Variants in TMEM35A observed in about 807,000 individuals in gnomAD.
The protein encoded by TMEM35A is transmembrane protein 35A, also known as nicotinic acetylcholine receptor chaperone.
For missense variants in TMEM35A, 83 were observed against 132.7 expected (o/e 0.63, Z 1.84); for synonymous variants, 50 against 54.7 (o/e 0.91, Z 0.38).
intron 1 of TMEM35A, among the ~76,000 whole-genome samples, chrX:101,083,910 T>C (rs1251616782): frequency 9.0e-6 from 1 of 110,984 alleles, no homozygotes; most frequent in East Asian, 2.8e-4. Context: ...CCACTTTGAC[T>C]GGTACGATCA....
At chrX:101,081,460 G>A (rs1027691041) in intron 1 of TMEM35A, 3 of 112,218 alleles carry the variant, frequency 2.7e-5, no homozygotes, top group African/African-American at 9.7e-5. Flanking sequence ...GAATGAATGA[G>A]TCATTGTAGC....
intron 1 of TMEM35A, among the ~76,000 whole-genome samples, chrX:101,092,911 C>G (rs1417540395): frequency 9.0e-6 from 1 of 111,298 alleles, no homozygotes; most frequent in Admixed American, 9.5e-5. Flanking sequence ...AGGAATGAAG[C>G]TAGCCAAAGT....
At chrX:101,091,844 T>C (rs771987747) in intron 1 of TMEM35A, among the ~76,000 whole-genome samples, 1 of 111,559 alleles carries the variant, frequency 9.0e-6, no homozygotes, top group Non-Finnish European at 1.9e-5. Flanking sequence ...ATTTCCTTTT[T>C]TATCTTGCAA....
At position 101,094,705 on chromosome X, in the gene TMEM35A, C is replaced by T. The variant is rs1042244189; in HGVS notation, c.253C>T (p.Arg85Cys). The change falls in exon 2 of 2, where the codon CGT (arginine) becomes TGT (cysteine). Residue 85 changes from arginine to cysteine, a missense_variant. Arg to Cys is a radical substitution (Grantham distance 180, BLOSUM62 -3). Transcript: ENST00000372930. ...CATCGTCATGACCCTTGTGCCTGGGCGTCCCAAAGATGTGGCCAACTTCTT... is the reference window on the plus strand; with the variant it reads ...CATCGTCATGACCCTTGTGCCTGGGTGTCCCAAAGATGTGGCCAACTTCTT... ...CGIVMTLVPG[R>C]PKDVANFFLL... The T allele has an allele frequency of 1.7e-6, 2 of 1,211,426 alleles. No homozygotes were observed. The highest frequency in any genetic ancestry group is 2.2e-6 in the Non-Finnish European group (2 of 895,499).
intron 1 of TMEM35A, among the ~76,000 whole-genome samples, chrX:101,089,188 G>A: frequency 9.0e-6 from 1 of 110,871 alleles, no homozygotes; most frequent in East Asian, 2.8e-4. Flanking sequence ...AAGATGGGAA[G>A]AGAGAGGAAG....
intron 1 of TMEM35A, among the ~76,000 whole-genome samples, chrX:101,090,218 T>C (rs1223952204): frequency 1.9e-5 from 2 of 107,265 alleles, no homozygotes; most frequent in African/African-American, 3.6e-5. Flanking sequence ...GCTGGTGCCA[T>C]CTTGACTCAC....
chrX:101,079,763 G>C (rs1025847882), intron 1 of TMEM35A, among the ~76,000 whole-genome samples: 2 of 111,550 alleles, frequency 1.8e-5, no homozygotes, highest in Non-Finnish European at 3.8e-5. Context: ...GTTTTATTTT[G>C]TTTTGTGTGT....
chrX:101,090,070 T>C (rs1176598213), intron 1 of TMEM35A, among the ~76,000 whole-genome samples: 2 of 111,539 alleles, frequency 1.8e-5, no homozygotes, highest in Non-Finnish European at 1.9e-5. Flanking sequence ...AAACTTATCT[T>C]GGTGTCCATG....
In TMEM35A at chrX:101,079,226, T is replaced by A; in HGVS notation, c.120+104T>A. 5 of 988,783 alleles carry A rather than the reference T, an allele frequency of 5.1e-6. No individual in the cohort carries two copies. The East Asian group carries it at 1.3e-4, about 27-fold the overall frequency. The allele number at this position is 988,783 out of a possible 1,213,427, so 81.5% of individuals were successfully genotyped here. On this transcript the variant is annotated intron_variant, in intron 1 of 1. Coordinates refer to ENST00000372930, the MANE Select transcript of TMEM35A (RefSeq NM_021637.3). ...TCTGGTCCCACCCCCTTAGCCCCTATCCCCACCTGGACCCTCCGTTCTCAA... is the reference window on the plus strand; with the variant it reads ...TCTGGTCCCACCCCCTTAGCCCCTAACCCCACCTGGACCCTCCGTTCTCAA...
chrX:101,095,340 C>T lies in TMEM35A; in HGVS notation c.*384C>T, dbSNP rs548396517. ...GCGCGCGCGCACGCGCACACACTCACGCACACACAAGCAGAGAAGGCGCTG... is the reference window on the plus strand; with the variant it reads ...GCGCGCGCGCACGCGCACACACTCATGCACACACAAGCAGAGAAGGCGCTG... On this transcript the variant is annotated 3_prime_UTR_variant, in exon 2 of 2. Transcript: ENST00000372930. The T allele has an allele frequency of 4.6e-4, 52 of 112,673 alleles. No homozygotes were observed. In the South Asian group the frequency reaches 0.018, roughly 39 times the overall value. 9.3% of individuals were successfully genotyped at this position (112,673 alleles called of 1,213,427 possible). A position where few individuals can be genotyped will look rare whatever the true frequency, so the allele number is the denominator to read the frequency against.
At chrX:101,083,683 A>G (rs954045674) in intron 1 of TMEM35A, among the ~76,000 whole-genome samples, 4 of 111,921 alleles carry the variant, frequency 3.6e-5, no homozygotes, top group East Asian at 2.8e-4. Context: ...GAGGTGGTAC[A>G]GTACATTTAT....
Position 101,094,852 on chromosome X carries a change from A to C in TMEM35A, c.400A>C (p.Lys134Gln). 8.3e-7 allele frequency: 1 copy of C among 1,210,391 alleles called. No homozygotes were observed. The highest frequency in any genetic ancestry group is 1.1e-6 in the Non-Finnish European group (1 of 895,463). Residue 134 changes from lysine to glutamine, a missense_variant, in exon 2 of 2, where the codon AAG becomes CAG. Physicochemically the swap from Lys to Gln is moderately conservative, Grantham distance 53. Coordinates refer to ENST00000372930, the MANE Select transcript of TMEM35A (RefSeq NM_021637.3). ...LLTCRLLIAR[K>Q]PEDRSSEKKP... ...CACTTGCCGCCTGCTGATTGCTCGC[A>C]AGCCCGAAGACCGGTCTTCTGAGAA...
At chrX:101,084,619 C>T (rs1389134327) in intron 1 of TMEM35A, among the ~76,000 whole-genome samples, 2 of 111,823 alleles carry the variant, frequency 1.8e-5, no homozygotes, top group African/African-American at 6.5e-5. Context: ...AATCCCAGCA[C>T]TTTGGGAGGC....
At chrX:101,083,170 G>A (rs1227656180) in intron 1 of TMEM35A, among the ~76,000 whole-genome samples, 3 of 111,527 alleles carry the variant, frequency 2.7e-5, no homozygotes, top group African/African-American at 3.3e-5. Context: ...TAAATCCCAC[G>A]TGAATTCAAC....
intron 1 of TMEM35A, among the ~76,000 whole-genome samples, chrX:101,089,578 T>TAA (rs761258471): frequency 5.3e-4 from 44 of 83,498 alleles, no homozygotes; most frequent in African/African-American, 1.7e-3. Context: ...GGGCTGTCTC[T>TAA]AAAAAAAAAA....
intron 1 of TMEM35A, among the ~76,000 whole-genome samples, chrX:101,083,870 T>C (rs1379939498): frequency 9.0e-6 from 1 of 111,080 alleles, no homozygotes; most frequent in Non-Finnish European, 1.9e-5. Context: ...GGAGTCAGTC[T>C]TCTGCCCTAA....
chrX:101,092,446 G>A (rs922622686), intron 1 of TMEM35A, among the ~76,000 whole-genome samples: 43 of 111,897 alleles, frequency 3.8e-4, no homozygotes, highest in Non-Finnish European at 3.6e-4. Context: ...GCTGCTTTAT[G>A]TTGTTTACAT....
chrX:101,084,204 A>G (rs2089300137), intron 1 of TMEM35A, among the ~76,000 whole-genome samples: 1 of 108,312 alleles, frequency 9.2e-6, no homozygotes, highest in South Asian at 4.0e-4. Context: ...AAAAAAAAAA[A>G]AAAAAAAAGA....
chrX:101,079,206 T>C, intron 1 of TMEM35A, 84 bp downstream of exon 1: 1 of 1,102,077 alleles, frequency 9.1e-7, no homozygotes, highest in Non-Finnish European at 1.2e-6. Context: ...CAGTTTCTGG[T>C]CCCACCCCCT....
Sources: gnomAD v4.1 joint callset for allele counts (sites outside exome capture counted in the v4.1 genomes callset) on GRCh38, gnomAD v4.1.1 for gene constraint, MANE v1.5 for transcripts, NCBI Gene and HGNC (gene_info 2026-07-23, HGNC 2026-07-21) for gene names.